B3GNT2: variants seen among roughly 807,000 people sequenced by gnomAD.
B3GNT2 encodes the protein N-acetyllactosaminide beta-1,3-N-acetylglucosaminyltransferase 2.
B3GNT2 carries 12 observed loss-of-function variants against 27.6 expected under a neutral mutation model. The observed-to-expected ratio is 0.44, with a 90% CI of 0.28 to 0.71. The LOEUF (loss-of-function observed/expected upper bound fraction) is 0.71. Ranked by LOEUF, B3GNT2 falls within the 30% of genes least tolerant of loss-of-function variation. B3GNT2 has a pLI of 0.17. For synonymous variants in B3GNT2, 192 were observed against 189.7 expected (o/e 1.01, Z -0.10); for missense variants, 413 against 488.5 (o/e 0.85, Z 1.46).
intron 1 of B3GNT2, among the ~76,000 whole-genome samples, chr2:62,216,409 T>G (rs926297666): frequency 3.7e-5 from 5 of 136,882 alleles, no homozygotes; most frequent in Non-Finnish European, 6.0e-5. Context: ...TTTCTTTTTT[T>G]TTGTTTTTTT....
At chr2:62,221,905 C>T (rs1306589747) in intron 1 of B3GNT2, 1 of 544,636 alleles carries the variant, frequency 1.8e-6, no homozygotes, top group Admixed American at 2.1e-5. Context: ...CTCAAACAGT[C>T]ACTTACATAG....
intron 1 of B3GNT2, among the ~76,000 whole-genome samples, chr2:62,216,252 A>C (rs1225496636): frequency 6.6e-6 from 1 of 152,102 alleles, no homozygotes; most frequent in East Asian, 1.9e-4. Context: ...GAATTGTTTC[A>C]GTATTTGAGT....
At chr2:62,221,039 C>T (rs1674681240) in intron 1 of B3GNT2, among the ~76,000 whole-genome samples, 1 of 152,158 alleles carries the variant, frequency 6.6e-6, no homozygotes, top group African/African-American at 2.4e-5. Context: ...ATCCGTGGAG[C>T]CTTCATCAGG....
intron 1 of B3GNT2, among the ~76,000 whole-genome samples, chr2:62,209,078 C>T (rs1674432684): frequency 1.3e-5 from 2 of 152,108 alleles, no homozygotes; most frequent in Admixed American, 1.3e-4. Flanking sequence ...GCAGCCTCTG[C>T]CTCCCGGGTT....
Position 62,223,156 on chromosome 2 carries a change from C to T in B3GNT2, c.936C>T (p.Ser312=), listed in dbSNP as rs759143232. 9.3e-6 allele frequency: 15 copies of T among 1,614,064 alleles called. No homozygotes were observed. Among genetic ancestry groups the T allele is most frequent in the South Asian group, 6.6e-5 (6 of 91,078 alleles). The change falls in exon 2 of 2, where the codon TCC becomes TCT. Residue 312 remains serine (S), a synonymous_variant. Coordinates refer to ENST00000301998, the MANE Select transcript of B3GNT2 (RefSeq NM_006577.6). ...PYAGGGGFLY[S]GHLALRLYHI... ...CAGGGGGAGGGGGGTTCCTCTACTC[C>T]GGCCACCTGGCCCTGAGGCTGTACC...
At chr2:62,200,799 A>G (rs1332221583) in intron 1 of B3GNT2, among the ~76,000 whole-genome samples, 1 of 152,106 alleles carries the variant, frequency 6.6e-6, no homozygotes, top group East Asian at 1.9e-4. Flanking sequence ...GTTGAACTTC[A>G]TGTAAGTGGA....
chr2:62,200,998 C>A (rs1368682502), intron 1 of B3GNT2, among the ~76,000 whole-genome samples: 2 of 152,102 alleles, frequency 1.3e-5, no homozygotes, highest in East Asian at 3.9e-4. Flanking sequence ...AAGATAAAGC[C>A]CTATGTTAGA....
intron 1 of B3GNT2, among the ~76,000 whole-genome samples, chr2:62,210,170 A>G (rs1352519207): frequency 6.6e-6 from 1 of 152,186 alleles, no homozygotes; most frequent in Non-Finnish European, 1.5e-5. Flanking sequence ...AATTTTTTAG[A>G]ACTACAACTT....
rs777061198 is a variant in B3GNT2, at chr2:62,222,377, A to G, written c.157A>G (p.Thr53Ala). Residue 53 changes from threonine to alanine, a missense_variant, in exon 2 of 2, where the codon ACC becomes GCC. By Grantham distance (58) the Thr-to-Ala change is moderately conservative. Transcript: ENST00000301998. The surrounding 1 kb of genome is among the most constrained non-coding windows in gnomAD (Gnocchi z 4.2). ...CAAAGAGAAGTTCTGGAAGATATCTACCCCTCCCGAGGCATACTGGAACCG... is the reference window on the plus strand; with the variant it reads ...CAAAGAGAAGTTCTGGAAGATATCTGCCCCTCCCGAGGCATACTGGAACCG... ...IPKEKFWKIS[T>A]PPEAYWNREQ... is the part of the protein sequence containing the mutation. The G allele has an allele frequency of 1.9e-6, 3 of 1,614,072 alleles. No homozygotes were observed. Among genetic ancestry groups the G allele is most frequent in the Non-Finnish European group, 2.5e-6 (3 of 1,180,022 alleles).
In B3GNT2 at chr2:62,209,902, C is replaced by T. The variant is rs867878064; in HGVS notation, c.-9-12310C>T. ...AAGCCCCAGCAGTCTCTCATCCTTT[C>T]GTATGAATAATCAAAACTGAGTCAT... On this transcript the variant is annotated intron_variant, in intron 1 of 1. Coordinates refer to ENST00000301998, the MANE Select transcript of B3GNT2 (RefSeq NM_006577.6). Among the ~76,000 whole-genome samples the T allele has an allele frequency of 2.0e-4, 31 of 152,300 alleles. 1 individual carries two copies. Among genetic ancestry groups the T allele is most frequent in the Middle Eastern group, 3.4e-3 (1 of 294 alleles).
At chr2:62,202,026 G>A (rs894757764) in intron 1 of B3GNT2, among the ~76,000 whole-genome samples, 1 of 152,220 alleles carries the variant, frequency 6.6e-6, no homozygotes, top group Non-Finnish European at 1.5e-5. Flanking sequence ...GATTACAGTA[G>A]CCAACACGGA....
chr2:62,210,334 T>C (rs2104197966), intron 1 of B3GNT2, among the ~76,000 whole-genome samples: 1 of 152,228 alleles, frequency 6.6e-6, no homozygotes, highest in Admixed American at 6.5e-5. Context: ...TTTAGTTTGT[T>C]GTGGAGATTA....
At chr2:62,200,773 T>C (rs1451135635) in intron 1 of B3GNT2, among the ~76,000 whole-genome samples, 3 of 152,218 alleles carry the variant, frequency 2.0e-5, no homozygotes, top group Non-Finnish European at 2.9e-5. Context: ...TCTGTCATCA[T>C]AGATGGGTTT....
At chr2:62,201,742 C>T (rs892923238) in intron 1 of B3GNT2, among the ~76,000 whole-genome samples, 1 of 152,242 alleles carries the variant, frequency 6.6e-6, no homozygotes, top group African/African-American at 2.4e-5. Flanking sequence ...CACCCTCTCT[C>T]ACCACTATAA....
rs568267120 is a variant in B3GNT2 at position 62,213,360 on chromosome 2, A to C, written c.-9-8852A>C. 2.0e-5 allele frequency among the ~76,000 whole-genome samples: 3 copies of C among 152,308 alleles called. No homozygotes were observed. The South Asian group carries it at 6.2e-4, about 32-fold the overall frequency. ...GCCCCCAGGTTGCAAATCTGTACTAAGGATCTTCCTCTAGATATGCTTCCC... is the reference window on the plus strand; with the variant it reads ...GCCCCCAGGTTGCAAATCTGTACTACGGATCTTCCTCTAGATATGCTTCCC... On this transcript the variant is annotated intron_variant, in intron 1 of 1. Coordinates refer to ENST00000301998, the MANE Select transcript of B3GNT2 (RefSeq NM_006577.6).
intron 1 of B3GNT2, among the ~76,000 whole-genome samples, chr2:62,202,115 G>T (rs147048867): frequency 1.3e-5 from 2 of 152,340 alleles, no homozygotes; most frequent in East Asian, 1.9e-4. Flanking sequence ...GACCAAACAC[G>T]CATTGATTGA....
chr2:62,221,318 G>A (rs1038119778), intron 1 of B3GNT2, among the ~76,000 whole-genome samples: 2 of 152,196 alleles, frequency 1.3e-5, no homozygotes, highest in African/African-American at 4.8e-5. Flanking sequence ...TTGATATTGG[G>A]CTGTTGCCAG....
In B3GNT2 at chr2:62,223,639, C is replaced by CCTG; in HGVS notation, c.*225_*226insCTG. ...ATATGGCAGGATGATTGGTTCTGATCTTACCGGCTAGTGGTCATTTTTAAA... is the reference window on the plus strand; with the variant it reads ...ATATGGCAGGATGATTGGTTCTGATCCTGTTACCGGCTAGTGGTCATTTTTAAA... On this transcript the variant is annotated 3_prime_UTR_variant, in exon 2 of 2. Transcript: ENST00000301998. 2.2e-6 allele frequency: 1 copy of CCTG among 459,798 alleles called. No individual in the cohort carries two copies. Among genetic ancestry groups the CCTG allele is most frequent in the South Asian group, 3.7e-5 (1 of 26,772 alleles). The allele number at this position is 459,798 out of a possible 1,614,324, so 28.5% of individuals were successfully genotyped here. A position where few individuals can be genotyped will look rare whatever the true frequency, so the allele number is the denominator to read the frequency against.
chr2:62,222,399 A>G lies in B3GNT2; in HGVS notation c.179A>G (p.Asn60Ser). 6.2e-7 allele frequency: 1 copy of G among 1,614,124 alleles called. No homozygotes were observed. The highest frequency in any genetic ancestry group is 1.7e-5 in the Admixed American group (1 of 59,998). Residue 60 changes from asparagine (N) to serine (S), a missense_variant, in exon 2 of 2, where the codon AAC becomes AGC. Physicochemically the swap from Asn to Ser is conservative, Grantham distance 46 (BLOSUM62 1). Transcript: ENST00000301998. This position sits in a 1 kb window ranked among gnomAD's most constrained non-coding sequence, Gnocchi z 4.2. ...TCTACCCCTCCCGAGGCATACTGGAACCGAGAGCAAGAGAAGCTGAACCGG... is the reference window on the plus strand; with the variant it reads ...TCTACCCCTCCCGAGGCATACTGGAGCCGAGAGCAAGAGAAGCTGAACCGG... ...KISTPPEAYW[N>S]REQEKLNRQY...
Sources: allele counts gnomAD v4.1 joint callset (sites outside exome capture counted in the v4.1 genomes callset), GRCh38; gene constraint gnomAD v4.1.1; non-coding constraint Gnocchi (gnomAD v3.1); transcripts MANE v1.5; gene names NCBI Gene and HGNC (gene_info 2026-07-23, HGNC 2026-07-21).